Variants in GNG7 observed in about 807,000 individuals in gnomAD.
GNG7 encodes guanine nucleotide-binding protein G(I)/G(S)/G(O) subunit gamma-7.
In GNG7, 1 loss-of-function variant was observed where a neutral mutation model predicts 4.0. That is an observed-to-expected ratio of 0.25 (90% CI 0.09 to 1.18). GNG7 has a LOEUF of 1.18. Among genes scored for constraint, GNG7 ranks in the 50% most tolerant of loss-of-function variants. The pLI, the probability that GNG7 is intolerant of heterozygous loss-of-function variation, is 0.50. For synonymous variants in GNG7, 34 were observed against 36.9 expected (o/e 0.92, Z 0.29); for missense variants, 86 against 91.9 (o/e 0.94, Z 0.26).
intron 3 of GNG7, among the ~76,000 whole-genome samples, chr19:2,531,090 G>T (rs1978566994): frequency 6.6e-6 from 1 of 152,098 alleles, no homozygotes; most frequent in Admixed American, 6.5e-5. Context: ...TGGATGACCT[G>T]AGGTCGGGAG....
chr19:2,540,090 G>C (rs1394213519), intron 3 of GNG7, among the ~76,000 whole-genome samples: 2 of 99,670 alleles, frequency 2.0e-5, no homozygotes, highest in Admixed American at 1.5e-4. Flanking sequence ...CTCTCTCTCT[G>C]TTTCTTTCTC....
intron 1 of GNG7, among the ~76,000 whole-genome samples, chr19:2,682,150 C>T (rs1983753708): frequency 6.6e-6 from 1 of 151,296 alleles, no homozygotes; most frequent in Non-Finnish European, 1.5e-5. Flanking sequence ...CTCAGGTGAT[C>T]CACCCACCTT....
chr19:2,543,885 A>G (rs1461225157), intron 3 of GNG7, among the ~76,000 whole-genome samples: 2 of 152,134 alleles, frequency 1.3e-5, no homozygotes, highest in African/African-American at 4.8e-5. Context: ...GCAACGTGAG[A>G]ACAGAAGCAA....
At chr19:2,555,899 C>T (rs1418881223) in intron 2 of GNG7, among the ~76,000 whole-genome samples, 17 of 151,796 alleles carry the variant, frequency 1.1e-4, no homozygotes, top group Non-Finnish European at 1.9e-4. Context: ...GCACAGTGCA[C>T]GGATCGCGAG....
chr19:2,661,347 A>AGAAAGAAAGAAAGAAAGAAAGAAAGAAG (rs1568277885), intron 1 of GNG7, among the ~76,000 whole-genome samples: 2 of 148,316 alleles, frequency 1.3e-5, no homozygotes, highest in African/African-American at 5.0e-5. Context: ...AAAGAAAGAA[A>AGAAAGAAAGAAAGAAAGAAAGAAAGAAG]GAAAGAAAGA....
rs1979121353 is a variant in GNG7 at position 2,546,241 on chromosome 19, G to A, written c.-38+8908C>T. ...TGCTGCCCGCTCCACAGAACCCCAG[G>A]GCCCCCTCAGCAACCAGGGTCTGCA... On this transcript the variant is annotated intron_variant, in intron 3 of 4. Coordinates refer to ENST00000382159, the MANE Select transcript of GNG7 (RefSeq NM_052847.3). The surrounding 1 kb of genome is among the most constrained non-coding windows in gnomAD (Gnocchi z 6.3). 6.6e-6 allele frequency among the ~76,000 whole-genome samples: 1 copy of A among 152,206 alleles called. No individual in the cohort carries two copies. Among genetic ancestry groups the A allele is most frequent in the Admixed American group, 6.5e-5 (1 of 15,276 alleles).
chr19:2,539,980 T>C (rs919857634), intron 3 of GNG7, among the ~76,000 whole-genome samples: 1 of 143,356 alleles, frequency 7.0e-6, no homozygotes, highest in African/African-American at 2.6e-5. Context: ...TCCCTCCTTC[T>C]CTCTCTCTTT....
In GNG7 at chr19:2,595,551, T is replaced by C. The variant is rs539647239; in HGVS notation, c.-77-40363A>G. ...GAGTTTGAGACCAGCCTGGGCAACA[T>C]AGCAAAACTCCGTCTCTAGTAAAAA... On this transcript the variant is annotated intron_variant, in intron 2 of 4. Coordinates refer to ENST00000382159, the MANE Select transcript of GNG7 (RefSeq NM_052847.3). 1.1e-3 allele frequency among the ~76,000 whole-genome samples: 171 copies of C among 151,482 alleles called. 1 individual carries two copies. The highest frequency in any genetic ancestry group is 2.2e-3 in the Non-Finnish European group (150 of 67,888).
chr19:2,564,537 G>A (rs562992089), intron 2 of GNG7, among the ~76,000 whole-genome samples: 14 of 152,286 alleles, frequency 9.2e-5, no homozygotes, highest in Admixed American at 4.6e-4. Flanking sequence ...TGGTGCCACC[G>A]CACTCCAGCC....
At chr19:2,565,119 G>A (rs1025141893) in intron 2 of GNG7, among the ~76,000 whole-genome samples, 2 of 152,188 alleles carry the variant, frequency 1.3e-5, no homozygotes, top group African/African-American at 2.4e-5. Flanking sequence ...AGGTGGAGAA[G>A]ATGACGCCTT....
intron 1 of GNG7, among the ~76,000 whole-genome samples, chr19:2,694,879 C>CCGAAGCGAAAGGATCACTTGAGG (rs1347303449): frequency 7.9e-5 from 12 of 151,028 alleles, no homozygotes; most frequent in Admixed American, 5.3e-4. Context: ...TGCTCGGCAC[C>CCGAAGCGAAAGGATCACTTGAGG]TCAGGACCTG....
chr19:2,624,816 C>T (rs1028226257), intron 2 of GNG7, among the ~76,000 whole-genome samples: 1 of 152,228 alleles, frequency 6.6e-6, no homozygotes, highest in African/African-American at 2.4e-5. Context: ...CACAGGGGCC[C>T]GAGCCCCTCC....
At chr19:2,635,338 T>G (rs1982278754) in intron 2 of GNG7, among the ~76,000 whole-genome samples, 1 of 152,162 alleles carries the variant, frequency 6.6e-6, no homozygotes, top group Non-Finnish European at 1.5e-5. Flanking sequence ...GTGCTGAATG[T>G]GAGAGACCCT....
At chr19:2,530,429 A>G (rs1035312137) in intron 3 of GNG7, among the ~76,000 whole-genome samples, 8 of 141,966 alleles carry the variant, frequency 5.6e-5, no homozygotes, top group African/African-American at 1.6e-4. Context: ...AAGAAAAAAA[A>G]GCTGGACAGG....
In GNG7 at chr19:2,511,864, G is replaced by A. The variant is rs1028871336; in HGVS notation, c.*3158C>T. Reference sequence around the variant, plus strand: ...GTTACCCCTGGGGAGGGTGGGAGAGGGGTGAGGGTTCTGGCTCCTTCCTGG... The same window carrying A: ...GTTACCCCTGGGGAGGGTGGGAGAGAGGTGAGGGTTCTGGCTCCTTCCTGG... On this transcript the variant is annotated 3_prime_UTR_variant, in exon 5 of 5. Transcript: ENST00000382159. This position sits in a 1 kb window ranked among gnomAD's most constrained non-coding sequence, Gnocchi z 6.3. 1.3e-5 allele frequency: 13 copies of A among 986,218 alleles called. No homozygotes were observed. The highest frequency in any genetic ancestry group is 5.2e-4 in the Middle Eastern group (1 of 1,918). The allele number at this position is 986,218 out of a possible 1,614,324, so 61.1% of individuals were successfully genotyped here. A position where few individuals can be genotyped will look rare whatever the true frequency, so the allele number is the denominator to read the frequency against.
chr19:2,514,982 G>GAA lies in GNG7; in HGVS notation c.*39_*40insTT, dbSNP rs1599367816. The GAA allele has an allele frequency of 4.1e-6, 6 of 1,476,516 alleles. No individual in the cohort carries two copies. Among genetic ancestry groups the GAA allele is most frequent in the Non-Finnish European group, 5.6e-6 (6 of 1,062,724 alleles). 91.5% of individuals were successfully genotyped at this position (1,476,516 alleles called of 1,614,324 possible). ...AGAGACAGAGACAGAGAGAGAGAGA[G>GAA]AGAAAGAGAGAGAGAGAGAGAGAAC... is the stretch of plus-strand genomic sequence containing the variant. On this transcript the variant is annotated 3_prime_UTR_variant, in exon 5 of 5. Coordinates refer to ENST00000382159, the MANE Select transcript of GNG7 (RefSeq NM_052847.3).
intron 2 of GNG7, among the ~76,000 whole-genome samples, chr19:2,645,089 G>T (rs1266519113): frequency 1.3e-5 from 2 of 152,122 alleles, no homozygotes; most frequent in Non-Finnish European, 2.9e-5. Flanking sequence ...CTTCAGGGCC[G>T]GGTGCAATGG....
intron 1 of GNG7, among the ~76,000 whole-genome samples, chr19:2,698,154 C>A (rs1284144315): frequency 6.6e-6 from 1 of 151,398 alleles, no homozygotes; most frequent in African/African-American, 2.4e-5. Flanking sequence ...GTAGTCCCAG[C>A]TACTCGGGAG....
At chr19:2,520,989 C>T (rs1978305285) in intron 3 of GNG7, among the ~76,000 whole-genome samples, 1 of 152,042 alleles carries the variant, frequency 6.6e-6, no homozygotes, top group African/African-American at 2.4e-5. Flanking sequence ...GGCGTGGTGG[C>T]TCACGCCTGT....
Sources: gnomAD v4.1 joint callset for allele counts (sites outside exome capture counted in the v4.1 genomes callset) on GRCh38, gnomAD v4.1.1 for gene constraint, Gnocchi (gnomAD v3.1) non-coding constraint, MANE v1.5 for transcripts, NCBI Gene and HGNC (gene_info 2026-07-23, HGNC 2026-07-21) for gene names.